The following CNTNAP2 variants were observed in gnomAD, a reference collection of about 807,000 sequenced individuals.
The protein encoded by CNTNAP2 is contactin-associated protein-like 2.
A neutral mutation model predicts 155.2 loss-of-function variants in CNTNAP2; 98 were observed. That is an observed-to-expected ratio of 0.63 (90% confidence interval 0.54 to 0.75). The LOEUF (loss-of-function observed/expected upper bound fraction) is 0.75, where lower values mean the gene tolerates loss of function less well. Among genes scored for constraint, CNTNAP2 ranks in the 30% least tolerant of loss-of-function variants. The pLI, the probability that CNTNAP2 is intolerant of heterozygous loss-of-function variation, is 0.00. For missense variants in CNTNAP2, 1,727 were observed against 1,688.1 expected, an observed-to-expected ratio of 1.02 and a Z score of -0.40; for synonymous variants, 651 against 631.2, an observed-to-expected ratio of 1.03 and a Z score of -0.47.
chr7:146,721,859 ATGTGTGTGTGTGT>A (rs1801336797), intron 1 of CNTNAP2, among the ~76,000 whole-genome samples: 7 of 92,690 alleles, frequency 7.6e-5, no homozygotes, highest in East Asian at 2.8e-4. Context: ...CTACATTTAT[ATGTGTGTGTGTGT>A]GTGTATATAT....
intron 21 of CNTNAP2, among the ~76,000 whole-genome samples, chr7:148,331,647 T>C (rs888765161): frequency 1.3e-5 from 2 of 151,576 alleles, no homozygotes; most frequent in African/African-American, 2.4e-5. Flanking sequence ...ATGGATGGAA[T>C]GGACGGATGG....
intron 1 of CNTNAP2, among the ~76,000 whole-genome samples, chr7:146,521,924 C>T (rs545999848): frequency 2.4e-4 from 36 of 152,118 alleles, no homozygotes; most frequent in South Asian, 2.3e-3. Context: ...AATTTTGTAA[C>T]AGGCAATTCT....
chr7:147,593,982 C>G (rs1418983911), intron 12 of CNTNAP2, among the ~76,000 whole-genome samples: 1 of 152,124 alleles, frequency 6.6e-6, no homozygotes, highest in Non-Finnish European at 1.5e-5. Flanking sequence ...AGGCACTGTT[C>G]TAATATCTGC....
rs573163633 is a variant in CNTNAP2, at chr7:147,032,072, T to C, written c.403-11835T>C. Among the ~76,000 whole-genome samples the C allele has an allele frequency of 1.2e-4, 19 of 152,274 alleles. No individual in the cohort carries two copies. In the South Asian group the frequency reaches 3.9e-3, roughly 32 times the overall value. On this transcript the variant is annotated intron_variant, in intron 3 of 23. Transcript: ENST00000361727. ...TCTATATCTTGATAGGGAGTGAGGG[T>C]CACGTGAGTGATCACATTTCTCAAA...
At chr7:147,137,350 A>G (rs955937542) in intron 8 of CNTNAP2, among the ~76,000 whole-genome samples, 3 of 151,352 alleles carry the variant, frequency 2.0e-5, no homozygotes, top group Non-Finnish European at 4.4e-5. Flanking sequence ...TTCATTCCAA[A>G]TCAGAATGAA....
At chr7:146,933,769 A>T (rs1020755871) in intron 3 of CNTNAP2, among the ~76,000 whole-genome samples, 11 of 152,178 alleles carry the variant, frequency 7.2e-5, no homozygotes, top group Non-Finnish European at 1.5e-4. Flanking sequence ...CCCCATCAAA[A>T]AGTGGGCAAA....
chr7:147,601,010 T>C (rs1800932233), intron 12 of CNTNAP2, among the ~76,000 whole-genome samples: 1 of 152,160 alleles, frequency 6.6e-6, no homozygotes. Flanking sequence ...TTATTAGAAA[T>C]GTAGATTTTT....
At chr7:146,911,379 C>T (rs1182767731) in intron 3 of CNTNAP2, among the ~76,000 whole-genome samples, 2 of 152,000 alleles carry the variant, frequency 1.3e-5, no homozygotes, top group East Asian at 3.9e-4. Flanking sequence ...CGGCATTATT[C>T]ACAACAGCAA....
chr7:147,789,177 G>A (rs1423516549), intron 13 of CNTNAP2, among the ~76,000 whole-genome samples: 2 of 152,110 alleles, frequency 1.3e-5, no homozygotes, highest in East Asian at 1.9e-4. Context: ...AAAGTGCTGG[G>A]ATTACAGGCG....
chr7:146,505,441 A>G (rs2129134095), intron 1 of CNTNAP2, among the ~76,000 whole-genome samples: 1 of 152,326 alleles, frequency 6.6e-6, no homozygotes. Context: ...GGGTGATGGT[A>G]CCACAACTTT....
At chr7:146,907,758 C>G (rs989718073) in intron 3 of CNTNAP2, among the ~76,000 whole-genome samples, 73 of 149,904 alleles carry the variant, frequency 4.9e-4, no homozygotes, top group African/African-American at 1.7e-3. Flanking sequence ...AGCAAAATCA[C>G]CAGCTAACAT....
intron 15 of CNTNAP2, among the ~76,000 whole-genome samples, chr7:148,099,615 C>G (rs543857682): frequency 6.6e-6 from 1 of 152,192 alleles, no homozygotes; most frequent in East Asian, 1.9e-4. Context: ...GAGGTCTTCT[C>G]TACCCTCATC....
At chr7:147,319,824 C>T (rs1488755883) in intron 9 of CNTNAP2, among the ~76,000 whole-genome samples, 1 of 152,126 alleles carries the variant, frequency 6.6e-6, no homozygotes, top group African/African-American at 2.4e-5. Context: ...ACGATTTAAA[C>T]TGGATGAAGG....
intron 4 of CNTNAP2, among the ~76,000 whole-genome samples, chr7:147,050,575 GTGTT>G (rs1799453640): frequency 1.3e-5 from 2 of 152,160 alleles, no homozygotes; most frequent in Non-Finnish European, 2.9e-5. Flanking sequence ...GTAAAAGACA[GTGTT>G]TGGTCATTTT....
chr7:146,705,996 A>T (rs993449088), intron 1 of CNTNAP2, among the ~76,000 whole-genome samples: 1 of 152,142 alleles, frequency 6.6e-6, no homozygotes, highest in Non-Finnish European at 1.5e-5. Context: ...TTCTCAAGAG[A>T]TACCTTATGG....
chr7:147,786,250 C>T (rs543549640), intron 13 of CNTNAP2, among the ~76,000 whole-genome samples: 25 of 152,264 alleles, frequency 1.6e-4, no homozygotes, highest in African/African-American at 9.6e-5. Flanking sequence ...CCAGCCTGGG[C>T]GACACAGTGA....
At chr7:146,790,474 A>G (rs1050501748) in intron 2 of CNTNAP2, among the ~76,000 whole-genome samples, 2 of 152,152 alleles carry the variant, frequency 1.3e-5, no homozygotes, top group Admixed American at 1.3e-4. Flanking sequence ...TTGAGAGGAA[A>G]TATGCAGGTG....
At chr7:146,486,240 A>G (rs1403362000) in intron 1 of CNTNAP2, among the ~76,000 whole-genome samples, 6 of 151,154 alleles carry the variant, frequency 4.0e-5, no homozygotes, top group Non-Finnish European at 8.8e-5. Flanking sequence ...AATTTTTTGT[A>G]TTTTTAGTAG....
chr7:146,765,353 T>G (rs769339034), intron 1 of CNTNAP2, among the ~76,000 whole-genome samples: 1 of 152,210 alleles, frequency 6.6e-6, no homozygotes, highest in Non-Finnish European at 1.5e-5. Flanking sequence ...GATCATGGGA[T>G]GAAGCCATTT....
Sources: gnomAD v4.1 joint callset for allele counts (sites outside exome capture counted in the v4.1 genomes callset) on GRCh38, gnomAD v4.1.1 for gene constraint, MANE v1.5 for transcripts, NCBI Gene and HGNC (gene_info 2026-07-23, HGNC 2026-07-21) for gene names.